CYYR1: variants seen among roughly 807,000 people sequenced by gnomAD.
The protein encoded by CYYR1 is cysteine and tyrosine-rich protein 1.
A neutral mutation model predicts 15.2 loss-of-function variants in CYYR1; 14 were observed. The observed-to-expected ratio is 0.92, with a 90% CI of 0.61 to 1.44. The LOEUF is 1.44. Ranked by LOEUF, CYYR1 falls within the 40% of genes most tolerant of loss-of-function variation. The pLI, the probability that CYYR1 is intolerant of heterozygous loss-of-function variation, is 0.00. For missense variants in CYYR1, 228 were observed against 209.5 expected (o/e 1.09, Z -0.54); for synonymous variants, 80 against 77.4 (o/e 1.03, Z -0.18).
At chr21:26,531,593 C>T (rs1391632304) in intron 2 of CYYR1, among the ~76,000 whole-genome samples, 2 of 152,134 alleles carry the variant, frequency 1.3e-5, no homozygotes, top group African/African-American at 2.4e-5. Flanking sequence ...TCACTTTCCA[C>T]TATGACTGGA....
In CYYR1 at chr21:26,566,352, C is replaced by T. The variant is rs1335912432; in HGVS notation, c.90G>A (p.Gln30=). The change falls in exon 2 of 4, where the codon CAG becomes CAA. Residue 30 remains glutamine, a synonymous_variant. Coordinates refer to ENST00000652641, the MANE Select transcript of CYYR1 (RefSeq NM_001320768.2). ...AGTAAGATTTGCAATCTTTGCCACACTGAGCAAGGCAATCATCTACAAAAC... is the reference window on the plus strand; with the variant it reads ...AGTAAGATTTGCAATCTTTGCCACATTGAGCAAGGCAATCATCTACAAAAC... ...LFVYADDCLA[Q]CGKDCKSYCC... 6.2e-7 allele frequency: 1 copy of T among 1,613,416 alleles called. No individual in the cohort carries two copies. Among genetic ancestry groups the T allele is most frequent in the South Asian group, 1.1e-5 (1 of 91,042 alleles).
intron 2 of CYYR1, among the ~76,000 whole-genome samples, chr21:26,490,679 A>C (rs1181490256): frequency 2.0e-5 from 3 of 152,206 alleles, no homozygotes; most frequent in African/African-American, 7.2e-5. Context: ...AGAAAACCAA[A>C]TATGTGAGGA....
chr21:26,475,243 T>C (rs1321969515), intron 3 of CYYR1, among the ~76,000 whole-genome samples: 1 of 152,186 alleles, frequency 6.6e-6, no homozygotes, highest in East Asian at 1.9e-4. Flanking sequence ...CTCAGTTTTT[T>C]TCACTCTCAG....
chr21:26,543,088 AAC>A (rs1978687364), intron 2 of CYYR1, among the ~76,000 whole-genome samples: 1 of 152,202 alleles, frequency 6.6e-6, no homozygotes. Flanking sequence ...CAGAAAACCA[AAC>A]ACTGCATGTC....
In CYYR1 at chr21:26,480,320, C is replaced by A. The variant is rs139201954; in HGVS notation, c.286G>T (p.Val96Leu). The A allele has an allele frequency of 6.2e-7, 1 of 1,613,258 alleles. No homozygotes were observed. The highest frequency in any genetic ancestry group is 8.5e-7 in the Non-Finnish European group (1 of 1,179,626). ...MCMKNHRATR[V>L]GILRTTHINT... Reference sequence around the variant, plus strand: ...ATGTGAGTCGTCCTGAGGATGCCCACGCGGGTCGCCCTGTGGTTCTTCATG... The same window carrying A: ...ATGTGAGTCGTCCTGAGGATGCCCAAGCGGGTCGCCCTGTGGTTCTTCATG... Residue 96 changes from valine (V) to leucine (L), a missense_variant, in exon 3 of 4, where the codon GTG becomes TTG. Val to Leu is a conservative substitution (Grantham distance 32). Coordinates refer to ENST00000652641, the MANE Select transcript of CYYR1 (RefSeq NM_001320768.2).
At chr21:26,517,741 A>G (rs929208616) in intron 2 of CYYR1, among the ~76,000 whole-genome samples, 1 of 152,110 alleles carries the variant, frequency 6.6e-6, no homozygotes, top group Admixed American at 6.6e-5. Context: ...TTTTTAGTAG[A>G]GACAGGGTTT....
At chr21:26,572,330 A>G (rs1385383271) in intron 1 of CYYR1, among the ~76,000 whole-genome samples, 1 of 152,206 alleles carries the variant, frequency 6.6e-6, no homozygotes, top group East Asian at 1.9e-4. Flanking sequence ...CTTCTCTTAT[A>G]AACAAGTGTC....
intron 3 of CYYR1, among the ~76,000 whole-genome samples, chr21:26,469,102 C>T (rs1264647501): frequency 6.6e-6 from 1 of 152,124 alleles, no homozygotes; most frequent in Non-Finnish European, 1.5e-5. Flanking sequence ...CCACTCTCAG[C>T]AGTCAACAGA....
Position 26,483,466 on chromosome 21 carries a change from A to G in CYYR1, c.177-3037T>C, listed in dbSNP as rs1021254739. ...TACTTGGAAGTTTAGTTTGCAAGCCAGAATTTGACAGGTGAACTCCAAAGA... is the reference window on the plus strand; with the variant it reads ...TACTTGGAAGTTTAGTTTGCAAGCCGGAATTTGACAGGTGAACTCCAAAGA... On this transcript the variant is annotated intron_variant, in intron 2 of 3. Transcript: ENST00000652641. The G allele has an allele frequency of 1.3e-5, 13 of 979,768 alleles. No homozygotes were observed. The African/African-American group carries it at 1.9e-4, about 15-fold the overall frequency. The allele number at this position is 979,768 out of a possible 1,614,324, so 60.7% of individuals were successfully genotyped here.
intron 2 of CYYR1, among the ~76,000 whole-genome samples, chr21:26,532,187 A>C (rs2065940208): frequency 6.6e-6 from 1 of 152,184 alleles, no homozygotes; most frequent in African/African-American, 2.4e-5. Flanking sequence ...TAGTTCATTC[A>C]CTGATGATGA....
At chr21:26,558,924 G>A (rs371261439) in intron 2 of CYYR1, among the ~76,000 whole-genome samples, 24 of 152,208 alleles carry the variant, frequency 1.6e-4, no homozygotes, top group East Asian at 9.7e-4. Context: ...TAAATAATAC[G>A]TCAATCAACA....
chr21:26,536,746 C>T (rs1178278941), intron 2 of CYYR1, among the ~76,000 whole-genome samples: 1 of 151,884 alleles, frequency 6.6e-6, no homozygotes, highest in Non-Finnish European at 1.5e-5. Context: ...CTGGGCACCA[C>T]TGCATCACAG....
chr21:26,573,145 C>A lies in CYYR1; in HGVS notation c.-205G>T. Reference sequence around the variant, plus strand: ...ACTGCGGGACTCCGCGGAGCTGGGGCGCCCGTGGCCCGAGACGGGCTGCGC... The same window carrying A: ...ACTGCGGGACTCCGCGGAGCTGGGGAGCCCGTGGCCCGAGACGGGCTGCGC... On this transcript the variant is annotated 5_prime_UTR_variant, in exon 1 of 4. Transcript: ENST00000652641. The A allele has an allele frequency of 6.7e-7, 1 of 1,489,854 alleles. No individual in the cohort carries two copies. The allele number at this position is 1,489,854 out of a possible 1,614,324, so 92.3% of individuals were successfully genotyped here.
chr21:26,572,807 G>T, intron 1 of CYYR1, 61 bp downstream of exon 1: 1 of 1,595,016 alleles, frequency 6.3e-7, no homozygotes. Context: ...ACGTTAGCCC[G>T]GACCGTGACC....
intron 2 of CYYR1, among the ~76,000 whole-genome samples, chr21:26,510,939 T>C (rs2065638823): frequency 1.3e-5 from 2 of 152,218 alleles, no homozygotes; most frequent in Admixed American, 1.3e-4. Flanking sequence ...TCTATTATTT[T>C]ACTAGTGATT....
At chr21:26,545,567 CTTT>C (rs770885517) in intron 2 of CYYR1, among the ~76,000 whole-genome samples, 139 of 73,718 alleles carry the variant, frequency 1.9e-3, no homozygotes, top group African/African-American at 3.4e-3. Flanking sequence ...GATGCTTATT[CTTT>C]TTTTTTTTTT....
intron 2 of CYYR1, among the ~76,000 whole-genome samples, chr21:26,531,260 T>C (rs1433272292): frequency 6.6e-6 from 1 of 152,202 alleles, no homozygotes; most frequent in Non-Finnish European, 1.5e-5. Context: ...GATGGATGAC[T>C]ATTGCAAGAT....
chr21:26,480,407 C>T lies in CYYR1; in HGVS notation c.199G>A (p.Val67Ile), dbSNP rs1055748016. The T allele has an allele frequency of 1.2e-6, 2 of 1,611,552 alleles. No homozygotes were observed. The highest frequency in any genetic ancestry group is 2.7e-5 in the African/African-American group (2 of 74,726). ...CCCATGATAAATACTATTCCAAAAA[C>T]AATGCCCGCAATTGCAGTGCCCCTA... Reference protein sequence around the residue: ...ILSGTAIAGIVFGIVFIMGVI... With the variant: ...ILSGTAIAGIIFGIVFIMGVI... Residue 67 changes from valine to isoleucine, a missense_variant, in exon 3 of 4, where the codon GTT (valine) becomes ATT (isoleucine). Val to Ile is a conservative substitution (Grantham distance 29). Transcript: ENST00000652641.
intron 2 of CYYR1, among the ~76,000 whole-genome samples, chr21:26,555,376 A>T (rs1350813657): frequency 6.6e-6 from 1 of 152,226 alleles, no homozygotes; most frequent in Non-Finnish European, 1.5e-5. Flanking sequence ...GTATCCACAC[A>T]GTAGAGTTGG....
Sources: allele counts gnomAD v4.1 joint callset (sites outside exome capture counted in the v4.1 genomes callset), GRCh38; gene constraint gnomAD v4.1.1; transcripts MANE v1.5; gene names NCBI Gene and HGNC (gene_info 2026-07-23, HGNC 2026-07-21).